SUGCT: variants seen among roughly 807,000 people sequenced by gnomAD.
The protein encoded by SUGCT is succinyl-CoA:glutarate CoA-transferase.
A neutral mutation model predicts 55.0 loss-of-function variants in SUGCT; 41 were observed. The ratio of observed to expected loss-of-function variants is 0.74; its 90% CI spans 0.58 to 0.97. The LOEUF (loss-of-function observed/expected upper bound fraction) is 0.97, where lower values mean the gene tolerates loss of function less well. Among genes scored for constraint, SUGCT ranks in the 50% least tolerant of loss-of-function variants. SUGCT has a pLI of 0.00. For missense variants in SUGCT, 568 were observed against 547.8 expected, an observed-to-expected ratio of 1.04 and a Z score of -0.37; for synonymous variants, 187 against 200.4, an observed-to-expected ratio of 0.93 and a Z score of 0.56.
chr7:40,898,496 G>T, the SUGCT span, among the ~76,000 whole-genome samples: 15 of 101,946 alleles, frequency 1.5e-4, no homozygotes, highest in South Asian at 4.8e-4. Flanking sequence ...GGGGGGGGGG[G>T]GTGGATCACG....
chr7:40,679,675 T>C (rs1182332030), intron 12 of SUGCT, among the ~76,000 whole-genome samples: 1 of 152,172 alleles, frequency 6.6e-6, no homozygotes, highest in African/African-American at 2.4e-5. Context: ...ATAGTGATAT[T>C]CCATTAACAT....
intron 12 of SUGCT, among the ~76,000 whole-genome samples, chr7:40,553,877 A>T (rs1235011667): frequency 6.6e-6 from 1 of 152,232 alleles, no homozygotes; most frequent in Non-Finnish European, 1.5e-5. Context: ...GACAACTCAG[A>T]TCAGATCTTC....
rs183275375 is a variant in SUGCT at position 40,367,014 on chromosome 7, C to G, written c.816+50159C>G. Among the ~76,000 whole-genome samples the G allele has an allele frequency of 3.3e-5, 5 of 152,132 alleles. 1 individual carries two copies. Among genetic ancestry groups the G allele is most frequent in the African/African-American group, 1.2e-4 (5 of 41,482 alleles). ...ACAGTAGCAAAGAGTTGGAACCAACCCAAATGTCCAACAATGATAGACTGG... is the reference window on the plus strand; with the variant it reads ...ACAGTAGCAAAGAGTTGGAACCAACGCAAATGTCCAACAATGATAGACTGG... On this transcript the variant is annotated intron_variant, in intron 9 of 13. Transcript: ENST00000335693.
the SUGCT span, among the ~76,000 whole-genome samples, chr7:40,996,076 GA>G: frequency 1.3e-5 from 2 of 151,994 alleles, no homozygotes; most frequent in African/African-American, 4.8e-5. Context: ...AATATCTTTG[GA>G]AAAAAATATC....
chr7:40,448,218 C>T (rs1257256972), intron 9 of SUGCT, among the ~76,000 whole-genome samples: 1 of 125,192 alleles, frequency 8.0e-6, no homozygotes, highest in Non-Finnish European at 1.8e-5. Flanking sequence ...TCCCAGTTCC[C>T]TCCCTCCCTC....
At chr7:40,426,564 A>G (rs2151379699) in intron 9 of SUGCT, among the ~76,000 whole-genome samples, 1 of 152,312 alleles carries the variant, frequency 6.6e-6, no homozygotes, top group East Asian at 1.9e-4. Context: ...CCGTTTAAGA[A>G]CTTGGTTACT....
At chr7:40,658,922 G>A (rs555960394) in intron 12 of SUGCT, among the ~76,000 whole-genome samples, 1 of 152,098 alleles carries the variant, frequency 6.6e-6, no homozygotes, top group Admixed American at 6.5e-5. Context: ...TTGAGGGCCC[G>A]GGGAAACTGG....
chr7:40,754,386 C>T (rs762476678), intron 13 of SUGCT, among the ~76,000 whole-genome samples: 1 of 152,166 alleles, frequency 6.6e-6, no homozygotes, highest in African/African-American at 2.4e-5. Flanking sequence ...TACTAATTTG[C>T]TCTTAATTAA....
At position 40,377,194 on chromosome 7, in the gene SUGCT, C is replaced by CTTTCT. The variant is rs1562728590; in HGVS notation, c.816+60357_816+60361dup. Reference sequence around the variant, plus strand: ...TCTTTCTTTCTTTCTTTCTTTCTTTCTTTCTTTTCTTTTCTTTTCTTTCTT... The same window carrying CTTTCT: ...TCTTTCTTTCTTTCTTTCTTTCTTTCTTTCTTTTCTTTTCTTTTCTTTTCTTTCTT... On this transcript the variant is annotated intron_variant, in intron 9 of 13. Transcript: ENST00000335693. 2.6e-4 allele frequency among the ~76,000 whole-genome samples: 2 copies of CTTTCT among 7,566 alleles called. 1 individual carries two copies. Among genetic ancestry groups the CTTTCT allele is most frequent in the African/African-American group, 3.2e-4 (2 of 6,286 alleles). 5.0% of individuals were successfully genotyped at this position (7,566 alleles called of 152,430 possible). A position where few individuals can be genotyped will look rare whatever the true frequency, so the allele number is the denominator to read the frequency against.
rs1368370261 is a variant in SUGCT, at chr7:40,191,305, C to T, written c.363+1711C>T. 2.6e-5 allele frequency among the ~76,000 whole-genome samples: 4 copies of T among 152,184 alleles called. No homozygotes were observed. The South Asian group carries it at 6.2e-4, about 24-fold the overall frequency. ...GTGCTGGGATTACAGGCGTGAGCTACCGCGCCTGGCCTCAAACTTTATTTT... is the reference window on the plus strand; with the variant it reads ...GTGCTGGGATTACAGGCGTGAGCTATCGCGCCTGGCCTCAAACTTTATTTT... On this transcript the variant is annotated intron_variant, in intron 5 of 13. Coordinates refer to ENST00000335693, the MANE Select transcript of SUGCT (RefSeq NM_001193313.2).
intron 8 of SUGCT, among the ~76,000 whole-genome samples, chr7:40,305,336 A>T (rs1584633148): frequency 2.0e-5 from 3 of 152,360 alleles, no homozygotes; most frequent in Admixed American, 2.0e-4. Context: ...AAATTAGAGG[A>T]AAGCAGTGTT....
intron 6 of SUGCT, among the ~76,000 whole-genome samples, chr7:40,199,365 A>G (rs1053191339): frequency 3.9e-5 from 6 of 152,178 alleles, no homozygotes; most frequent in Admixed American, 3.3e-4. Context: ...TGGTCCTCTT[A>G]TCATTTCAGA....
chr7:40,742,540 G>A (rs759837490), intron 12 of SUGCT, among the ~76,000 whole-genome samples: 5 of 151,960 alleles, frequency 3.3e-5, no homozygotes, highest in African/African-American at 9.7e-5. Context: ...TAATGCTGCC[G>A]CTCATCTGAC....
chr7:40,450,833 TG>T (rs1789153330), intron 10 of SUGCT, among the ~76,000 whole-genome samples: 1 of 151,990 alleles, frequency 6.6e-6, no homozygotes, highest in South Asian at 2.1e-4. Context: ...TAACTTATTA[TG>T]TACAGAAATT....
At chr7:40,368,960 T>C (rs1433880471) in intron 9 of SUGCT, among the ~76,000 whole-genome samples, 1 of 152,016 alleles carries the variant, frequency 6.6e-6, no homozygotes, top group Non-Finnish European at 1.5e-5. Flanking sequence ...AAAAATTAGC[T>C]AGGCATGGTG....
At chr7:40,255,710 T>C (rs1790770842) in intron 7 of SUGCT, among the ~76,000 whole-genome samples, 1 of 150,710 alleles carries the variant, frequency 6.6e-6, no homozygotes, top group Admixed American at 6.6e-5. Flanking sequence ...CTGCATTGTT[T>C]GTTTATGATC....
chr7:40,978,346 G>T, the SUGCT span, among the ~76,000 whole-genome samples: 1 of 152,202 alleles, frequency 6.6e-6, no homozygotes, highest in African/African-American at 2.4e-5. Flanking sequence ...GCTGTGTCAG[G>T]CGACCACAAT....
At chr7:40,483,458 A>G (rs564122153) in intron 11 of SUGCT, among the ~76,000 whole-genome samples, 94 of 152,334 alleles carry the variant, frequency 6.2e-4, no homozygotes, top group African/African-American at 2.2e-3. Flanking sequence ...GTGTTAATTC[A>G]TTTAACTTAT....
intron 9 of SUGCT, among the ~76,000 whole-genome samples, chr7:40,438,064 A>G (rs539744370): frequency 1.8e-4 from 27 of 152,180 alleles, no homozygotes; most frequent in East Asian, 1.7e-3. Flanking sequence ...TGAAACCCCT[A>G]TGTTTTCATC....
Sources: allele counts gnomAD v4.1 joint callset (sites outside exome capture counted in the v4.1 genomes callset), GRCh38; gene constraint gnomAD v4.1.1; transcripts MANE v1.5; gene names NCBI Gene and HGNC (gene_info 2026-07-23, HGNC 2026-07-21).